Variants in LSAMP observed in about 807,000 individuals in gnomAD.
LSAMP encodes limbic system associated membrane protein, also known as limbic system-associated membrane protein.
A neutral mutation model predicts 38.6 loss-of-function variants in LSAMP; 7 were observed. The observed-to-expected ratio is 0.18, with a 90% CI of 0.10 to 0.34. LSAMP has a LOEUF of 0.34. Ranked by LOEUF, LSAMP falls within the 10% of genes least tolerant of loss-of-function variation. LSAMP has a pLI of 1.00. For synonymous variants in LSAMP, 154 were observed against 166.8 expected, an observed-to-expected ratio of 0.92 and a Z score of 0.59; for missense variants, 313 against 420.0, an observed-to-expected ratio of 0.75 and a Z score of 2.23.
intron 1 of LSAMP, among the ~76,000 whole-genome samples, chr3:116,176,551 G>A (rs921297111): frequency 1.3e-5 from 2 of 152,066 alleles, no homozygotes; most frequent in African/African-American, 4.8e-5. Context: ...GCAACCAAAG[G>A]TTCTTTGTTA....
intron 1 of LSAMP, among the ~76,000 whole-genome samples, chr3:116,413,053 A>G (rs2049001009): frequency 6.6e-6 from 1 of 152,046 alleles, no homozygotes; most frequent in Non-Finnish European, 1.5e-5. Context: ...AGATATATAA[A>G]TTATTGGGTT....
intron 1 of LSAMP, among the ~76,000 whole-genome samples, chr3:116,389,881 AC>A (rs2048670082): frequency 6.6e-6 from 1 of 152,226 alleles, no homozygotes; most frequent in Non-Finnish European, 1.5e-5. Context: ...AACTCTAATT[AC>A]TAAGAGAAGA....
intron 1 of LSAMP, among the ~76,000 whole-genome samples, chr3:116,183,437 A>C (rs904519320): frequency 2.0e-5 from 3 of 151,876 alleles, no homozygotes; most frequent in African/African-American, 7.2e-5. Context: ...AGAAATAAAC[A>C]CATACACAGG....
intron 1 of LSAMP, among the ~76,000 whole-genome samples, chr3:116,435,574 C>G (rs796817147): frequency 5.9e-5 from 9 of 152,282 alleles, no homozygotes; most frequent in African/African-American, 2.2e-4. Flanking sequence ...CCAGAAACCA[C>G]TAGACACCTG....
At chr3:115,920,375 C>G (rs1386363006) in intron 3 of LSAMP, among the ~76,000 whole-genome samples, 1 of 152,134 alleles carries the variant, frequency 6.6e-6, no homozygotes, top group Admixed American at 6.5e-5. Flanking sequence ...TTTCCTCTCT[C>G]TCTCTCTTTT....
At chr3:116,236,678 T>A in intron 1 of LSAMP, among the ~76,000 whole-genome samples, 1 of 152,132 alleles carries the variant, frequency 6.6e-6, no homozygotes, top group African/African-American at 2.4e-5. Flanking sequence ...CACTGCATAA[T>A]GCTTAGTTAA....
chr3:116,199,688 A>G (rs2045963264), intron 1 of LSAMP, among the ~76,000 whole-genome samples: 1 of 152,222 alleles, frequency 6.6e-6, no homozygotes, highest in Non-Finnish European at 1.5e-5. Context: ...ATGAAATGTT[A>G]GAGAGCAGTC....
At chr3:116,129,059 G>A (rs1042272604) in intron 1 of LSAMP, among the ~76,000 whole-genome samples, 1 of 152,166 alleles carries the variant, frequency 6.6e-6, no homozygotes, top group Non-Finnish European at 1.5e-5. Flanking sequence ...TATGACAAGA[G>A]TATGTAGAAC....
At chr3:116,180,099 T>C (rs1246305670) in intron 1 of LSAMP, among the ~76,000 whole-genome samples, 1 of 152,188 alleles carries the variant, frequency 6.6e-6, no homozygotes, top group Non-Finnish European at 1.5e-5. Flanking sequence ...GAGATTATAC[T>C]CATATACTTA....
intron 3 of LSAMP, among the ~76,000 whole-genome samples, chr3:115,916,730 A>G (rs1937259752): frequency 1.3e-5 from 2 of 152,240 alleles, no homozygotes; most frequent in Admixed American, 1.3e-4. Flanking sequence ...CTGATCAAGT[A>G]GATACTATTC....
intron 1 of LSAMP, among the ~76,000 whole-genome samples, chr3:116,210,221 T>C (rs2107605359): frequency 6.6e-6 from 1 of 152,300 alleles, no homozygotes; most frequent in Non-Finnish European, 1.5e-5. Flanking sequence ...CTTGATTGGA[T>C]GGAAGGATGC....
At chr3:116,175,631 G>A (rs1710319746) in intron 1 of LSAMP, among the ~76,000 whole-genome samples, 1 of 151,916 alleles carries the variant, frequency 6.6e-6, no homozygotes, top group South Asian at 2.1e-4. Context: ...GGAAAGTGAC[G>A]AGGAAGCAGA....
chr3:115,841,741 T>C (rs766166846), intron 6 of LSAMP, 104 bp downstream of exon 6: 2 of 1,390,100 alleles, frequency 1.4e-6, no homozygotes, highest in Non-Finnish European at 1.9e-6. Flanking sequence ...TATCCTTATT[T>C]GTTTTTAAGT....
intron 1 of LSAMP, among the ~76,000 whole-genome samples, chr3:116,285,720 C>A (rs567317661): frequency 1.3e-5 from 2 of 152,250 alleles, no homozygotes; most frequent in South Asian, 4.1e-4. Flanking sequence ...TAGAATCAGG[C>A]TAGGTGCATA....
At chr3:116,197,163 A>ACACACACACACACTCTCTCT (rs1268040540) in intron 1 of LSAMP, among the ~76,000 whole-genome samples, 3 of 139,088 alleles carry the variant, frequency 2.2e-5, no homozygotes, top group African/African-American at 7.8e-5. Context: ...ACACACACAC[A>ACACACACACACACTCTCTCT]CTCTCTCTCT....
chr3:116,242,619 A>G (rs1247810232), intron 1 of LSAMP, among the ~76,000 whole-genome samples: 1 of 152,014 alleles, frequency 6.6e-6, no homozygotes, highest in African/African-American at 2.4e-5. Flanking sequence ...CATTTCTAAC[A>G]TGTTTTTCCA....
At chr3:116,254,833 G>C (rs545097720) in intron 1 of LSAMP, among the ~76,000 whole-genome samples, 1 of 152,260 alleles carries the variant, frequency 6.6e-6, no homozygotes, top group Admixed American at 6.5e-5. Flanking sequence ...AAAAACTCAT[G>C]ATTTTGCCAA....
intron 1 of LSAMP, among the ~76,000 whole-genome samples, chr3:116,381,155 A>T (rs1431833917): frequency 6.6e-6 from 1 of 152,004 alleles, no homozygotes; most frequent in Non-Finnish European, 1.5e-5. Context: ...TTTAATCTAG[A>T]TCTAATAAAT....
chr3:116,136,890 A>G (rs1404151816), intron 1 of LSAMP, among the ~76,000 whole-genome samples: 2 of 152,140 alleles, frequency 1.3e-5, no homozygotes, highest in African/African-American at 4.8e-5. Context: ...TCATTACATT[A>G]GTTTCCTAGG....
Sources: gnomAD v4.1 joint callset for allele counts (sites outside exome capture counted in the v4.1 genomes callset) on GRCh38, gnomAD v4.1.1 for gene constraint, MANE v1.5 for transcripts, NCBI Gene and HGNC (gene_info 2026-07-23, HGNC 2026-07-21) for gene names.